Variants in RSRC1 observed in about 807,000 individuals in gnomAD.
RSRC1 encodes the protein arginine and serine rich coiled-coil 1, also known as serine/Arginine-related protein 53.
Under a neutral mutation model 49.1 loss-of-function variants are expected in RSRC1, and 39 were observed. The observed-to-expected ratio is 0.79, with a 90% confidence interval of 0.61 to 1.04. The LOEUF (loss-of-function observed/expected upper bound fraction) is 1.04, where lower values mean the gene tolerates loss of function less well. RSRC1 is among the 50% of genes least tolerant of loss of function. The pLI is 0.00. For synonymous variants in RSRC1, 143 were observed against 130.8 expected (o/e 1.09, Z -0.63); for missense variants, 388 against 402.4 (o/e 0.96, Z 0.31).
At chr3:158,356,099 G>T (rs1731142328) in intron 6 of RSRC1, among the ~76,000 whole-genome samples, 1 of 151,626 alleles carries the variant, frequency 6.6e-6, no homozygotes. Flanking sequence ...ACCTATTTTT[G>T]GACCACAGTT....
At chr3:158,365,989 A>G (rs1199239936) in intron 6 of RSRC1, among the ~76,000 whole-genome samples, 2 of 151,906 alleles carry the variant, frequency 1.3e-5, no homozygotes, top group Non-Finnish European at 2.9e-5. Context: ...CTACTTTTTA[A>G]TGGGGTTGTT....
intron 7 of RSRC1, among the ~76,000 whole-genome samples, chr3:158,506,760 A>G (rs543932565): frequency 5.8e-4 from 88 of 151,626 alleles, no homozygotes; most frequent in African/African-American, 2.0e-3. Flanking sequence ...GGAAACCAGT[A>G]TGGAGGTTCC....
At chr3:158,407,346 C>T (rs1437860262) in intron 6 of RSRC1, among the ~76,000 whole-genome samples, 2 of 152,024 alleles carry the variant, frequency 1.3e-5, no homozygotes, top group Non-Finnish European at 2.9e-5. Context: ...ATGAATATGC[C>T]TTTTAAAAAA....
At chr3:158,342,322 G>A (rs1229416482) in intron 5 of RSRC1, among the ~76,000 whole-genome samples, 2 of 152,140 alleles carry the variant, frequency 1.3e-5, no homozygotes, top group Non-Finnish European at 2.9e-5. Context: ...CATGTTGTTG[G>A]AGAGAGCCTG....
intron 6 of RSRC1, among the ~76,000 whole-genome samples, chr3:158,416,157 A>G (rs1273934333): frequency 2.0e-5 from 3 of 150,410 alleles, no homozygotes; most frequent in African/African-American, 7.3e-5. Flanking sequence ...GATTTCCTTC[A>G]TTTACTTTTT....
intron 4 of RSRC1, among the ~76,000 whole-genome samples, chr3:158,231,247 C>T (rs551285704): frequency 2.8e-4 from 42 of 150,310 alleles, no homozygotes; most frequent in South Asian, 1.3e-3. Flanking sequence ...GCCATCCTTC[C>T]GCCTCAGCCT....
chr3:158,175,022 ATATAGTAC>A (rs1358074946), intron 3 of RSRC1, among the ~76,000 whole-genome samples: 1 of 152,082 alleles, frequency 6.6e-6, no homozygotes, highest in African/African-American at 2.4e-5. Flanking sequence ...TCTGGTGGGC[ATATAGTAC>A]TATCCCTTTG....
intron 4 of RSRC1, among the ~76,000 whole-genome samples, chr3:158,285,716 T>C (rs1052089289): frequency 1.3e-5 from 2 of 152,154 alleles, no homozygotes; most frequent in African/African-American, 4.8e-5. Context: ...TGTATAAGAA[T>C]GCTTGTGATT....
At chr3:158,261,245 A>G (rs1016132987) in intron 4 of RSRC1, among the ~76,000 whole-genome samples, 1 of 152,188 alleles carries the variant, frequency 6.6e-6, no homozygotes. Flanking sequence ...TGTGTGTTCT[A>G]ATTATTCCAC....
chr3:158,529,725 T>C (rs1466675304), intron 7 of RSRC1, among the ~76,000 whole-genome samples: 1 of 151,932 alleles, frequency 6.6e-6, no homozygotes, highest in Admixed American at 6.6e-5. Flanking sequence ...AACAAAAATT[T>C]CCGTGGACAT....
intron 6 of RSRC1, among the ~76,000 whole-genome samples, chr3:158,391,824 C>T (rs1733316424): frequency 6.6e-6 from 1 of 151,892 alleles, no homozygotes; most frequent in South Asian, 2.1e-4. Flanking sequence ...TTCGACATTT[C>T]AAAAATAGCT....
chr3:158,507,500 G>C (rs1373374923), intron 7 of RSRC1, among the ~76,000 whole-genome samples: 4 of 151,966 alleles, frequency 2.6e-5, no homozygotes, highest in Non-Finnish European at 1.5e-5. Flanking sequence ...CCCAAAATAT[G>C]TACAACTATT....
chr3:158,261,109 G>A (rs1365251725), intron 4 of RSRC1, among the ~76,000 whole-genome samples: 1 of 152,110 alleles, frequency 6.6e-6, no homozygotes, highest in African/African-American at 2.4e-5. Context: ...CCTGCCAGGG[G>A]GATGATCACT....
intron 7 of RSRC1, among the ~76,000 whole-genome samples, chr3:158,513,122 A>G (rs542687576): frequency 2.0e-5 from 3 of 147,744 alleles, no homozygotes; most frequent in East Asian, 1.9e-4. Context: ...TCTCCTGCCT[A>G]ATTGCCCTGG....
At chr3:158,190,010 T>C (rs1269775636) in intron 3 of RSRC1, among the ~76,000 whole-genome samples, 1 of 151,888 alleles carries the variant, frequency 6.6e-6, no homozygotes, top group Non-Finnish European at 1.5e-5. Flanking sequence ...GAAGGATAGC[T>C]TGGCTGGAGT....
rs568030587 is a variant in RSRC1 at position 158,122,657 on chromosome 3, G to A, written c.194+359G>A. Among the ~76,000 whole-genome samples, 3 of 151,728 alleles carry A rather than the reference G, an allele frequency of 2.0e-5. No individual in the cohort carries two copies. The East Asian group carries it at 5.8e-4, about 29-fold the overall frequency. On this transcript the variant is annotated intron_variant, in intron 2 of 9. Coordinates refer to ENST00000611884, the MANE Select transcript of RSRC1 (RefSeq NM_001271838.2). Reference sequence around the variant, plus strand: ...AGGTTTGTTACATATGTATACATGTGCCATGTTGGTGTGCTGCATCTGTTA... The same window carrying A: ...AGGTTTGTTACATATGTATACATGTACCATGTTGGTGTGCTGCATCTGTTA...
intron 7 of RSRC1, among the ~76,000 whole-genome samples, chr3:158,520,314 A>G (rs147578856): frequency 1.3e-5 from 2 of 152,318 alleles, no homozygotes; most frequent in African/African-American, 2.4e-5. Context: ...AAAGAAATAA[A>G]TATGTTCTCC....
At chr3:158,205,450 A>C (rs1402591798) in intron 4 of RSRC1, among the ~76,000 whole-genome samples, 1 of 152,136 alleles carries the variant, frequency 6.6e-6, no homozygotes, top group Non-Finnish European at 1.5e-5. Context: ...ACAGTATTTA[A>C]ATGCCTTCTA....
intron 7 of RSRC1, among the ~76,000 whole-genome samples, chr3:158,517,708 C>T (rs1031899771): frequency 4.9e-5 from 7 of 143,518 alleles, no homozygotes; most frequent in Non-Finnish European, 9.1e-5. Flanking sequence ...TCCACCTCAA[C>T]TTCCCAAAGT....
Sources: allele counts gnomAD v4.1 joint callset (sites outside exome capture counted in the v4.1 genomes callset), GRCh38; gene constraint gnomAD v4.1.1; transcripts MANE v1.5; gene names NCBI Gene and HGNC (gene_info 2026-07-23, HGNC 2026-07-21).